Variants in PDE3B observed in about 807,000 individuals in gnomAD.
PDE3B encodes the protein cGMP-inhibited 3',5'-cyclic phosphodiesterase 3B.
A neutral mutation model predicts 116.8 loss-of-function variants in PDE3B; 66 were observed. The ratio of observed to expected loss-of-function variants is 0.56; its 90% CI spans 0.46 to 0.69. The LOEUF (loss-of-function observed/expected upper bound fraction) is 0.69, where lower values mean the gene tolerates loss of function less well. Ranked by LOEUF, PDE3B falls within the 30% of genes least tolerant of loss-of-function variation. The probability of loss-of-function intolerance (pLI) is 0.00; values close to 1 mark genes in which losing one functional copy is unlikely to be tolerated. For missense variants in PDE3B, 1,384 were observed against 1,368.1 expected (o/e 1.01, Z -0.18); for synonymous variants, 595 against 533.6 (o/e 1.12, Z -1.59).
In PDE3B at chr11:14,673,707, C is replaced by T. The variant is rs188236567; in HGVS notation, c.978+28654C>T. 2.8e-3 allele frequency: 2,112 copies of T among 751,874 alleles called. 8 individuals are homozygous for T. The highest frequency in any genetic ancestry group is 3.7e-3 in the Non-Finnish European group (1,496 of 399,658). 46.6% of individuals were successfully genotyped at this position (751,874 alleles called of 1,614,324 possible). A position where few individuals can be genotyped will look rare whatever the true frequency, so the allele number is the denominator to read the frequency against. ...AAGATAATTCAGTAATTAAGCAAGG[C>T]TCTTCTCATCCAGAGGTGTATAGGC... is the stretch of plus-strand genomic sequence containing the variant. On this transcript the variant is annotated intron_variant, in intron 1 of 15. Transcript: ENST00000282096.
intron 6 of PDE3B, among the ~76,000 whole-genome samples, chr11:14,818,746 A>T (rs549737437): frequency 2.6e-4 from 39 of 151,974 alleles, no homozygotes; most frequent in Middle Eastern, 3.4e-3. Flanking sequence ...GTGGTTATTA[A>T]TTTTTTAAAT....
At chr11:14,700,319 A>G (rs981432169) in intron 1 of PDE3B, among the ~76,000 whole-genome samples, 3 of 151,794 alleles carry the variant, frequency 2.0e-5, no homozygotes, top group East Asian at 1.9e-4. Context: ...GATGATCAGT[A>G]TATTAGTAGA....
the PDE3B span, among the ~76,000 whole-genome samples, chr11:14,883,215 T>C: frequency 7.3e-5 from 11 of 151,202 alleles, no homozygotes; most frequent in East Asian, 1.9e-4. Flanking sequence ...AAAAAGAGCC[T>C]GCATCGCCAA....
intron 1 of PDE3B, among the ~76,000 whole-genome samples, chr11:14,664,848 G>A (rs1009507016): frequency 1.4e-4 from 21 of 152,154 alleles, no homozygotes; most frequent in African/African-American, 3.9e-4. Flanking sequence ...ACAAGGAGGA[G>A]CTGGTACCAT....
At chr11:14,852,004 GA>G (rs1314645700) in intron 12 of PDE3B, among the ~76,000 whole-genome samples, 1 of 152,190 alleles carries the variant, frequency 6.6e-6, no homozygotes, top group East Asian at 1.9e-4. Flanking sequence ...TCCTGAATCA[GA>G]AATCACATAG....
the PDE3B span, chr11:14,891,682 A>T: frequency 8.6e-7 from 1 of 1,169,060 alleles, no homozygotes. Context: ...GGCGAGCCAA[A>T]CGGCGCAGGC....
chr11:14,660,886 A>C (rs1323930756), intron 1 of PDE3B, among the ~76,000 whole-genome samples: 2 of 152,236 alleles, frequency 1.3e-5, no homozygotes, highest in Admixed American at 6.5e-5. Context: ...TCTCAAAAGA[A>C]GACATTTATG....
At chr11:14,806,881 G>GA (rs1190834271) in intron 5 of PDE3B, among the ~76,000 whole-genome samples, 2 of 132,420 alleles carry the variant, frequency 1.5e-5, no homozygotes, top group South Asian at 2.5e-4. Context: ...AAAAAAAAAA[G>GA]AAAAAAAAGA....
At chr11:14,890,291 C>T in the PDE3B span, 1 of 205,062 alleles carries the variant, frequency 4.9e-6, no homozygotes, top group Non-Finnish European at 8.5e-6. Flanking sequence ...CTTATGCTTT[C>T]ACATTTTATT....
chr11:14,855,807 C>A (rs371074937), intron 12 of PDE3B, among the ~76,000 whole-genome samples: 18 of 152,082 alleles, frequency 1.2e-4, no homozygotes, highest in East Asian at 9.6e-4. Context: ...AGTTAGAGTT[C>A]TATATTCAGC....
At chr11:14,792,857 C>A (rs1213905581) in intron 4 of PDE3B, among the ~76,000 whole-genome samples, 1 of 152,126 alleles carries the variant, frequency 6.6e-6, no homozygotes, top group African/African-American at 2.4e-5. Flanking sequence ...AGGATAACAC[C>A]TGGAGGTCCT....
chr11:14,733,119 A>G (rs913281635), intron 1 of PDE3B, among the ~76,000 whole-genome samples: 2 of 152,198 alleles, frequency 1.3e-5, no homozygotes, highest in Non-Finnish European at 2.9e-5. Flanking sequence ...AATGGCATTC[A>G]GATTCCCGTT....
At chr11:14,699,164 G>C (rs1175227709) in intron 1 of PDE3B, 2 of 151,830 alleles carry the variant, frequency 1.3e-5, no homozygotes, top group East Asian at 3.9e-4. Context: ...AGAACAAATG[G>C]TTACTTGGAA....
the PDE3B span, chr11:14,891,375 T>C: frequency 3.0e-6 from 3 of 985,566 alleles, no homozygotes; most frequent in African/African-American, 1.7e-5. Flanking sequence ...ATCTGCGCTG[T>C]AGGACCCCCG....
At chr11:14,795,330 A>C (rs1858519630) in intron 4 of PDE3B, among the ~76,000 whole-genome samples, 1 of 152,200 alleles carries the variant, frequency 6.6e-6, no homozygotes, top group Non-Finnish European at 1.5e-5. Context: ...CAGGGACTGG[A>C]CTAAAACCAA....
At chr11:14,891,635 C>G in the PDE3B span, 3 of 1,106,196 alleles carry the variant, frequency 2.7e-6, no homozygotes, top group Admixed American at 9.8e-5. Flanking sequence ...CACCTGAGGG[C>G]ATGCGTCCAC....
intron 5 of PDE3B, among the ~76,000 whole-genome samples, chr11:14,811,304 C>G (rs1490446692): frequency 6.6e-6 from 1 of 152,096 alleles, no homozygotes; most frequent in East Asian, 1.9e-4. Context: ...GGTTTTAGGT[C>G]TAACGTTTAA....
intron 1 of PDE3B, among the ~76,000 whole-genome samples, chr11:14,698,348 T>TA (rs970001225): frequency 6.6e-6 from 1 of 151,972 alleles, no homozygotes; most frequent in Admixed American, 6.6e-5. Flanking sequence ...AATTACTTTT[T>TA]AAAAAAATTT....
At chr11:14,823,436 A>G (rs548930147) in intron 7 of PDE3B, among the ~76,000 whole-genome samples, 1 of 150,968 alleles carries the variant, frequency 6.6e-6, no homozygotes, top group Non-Finnish European at 1.5e-5. Flanking sequence ...AGCCTTAACC[A>G]TTGTTGCCTT....
Sources: gnomAD v4.1 joint callset for allele counts (sites outside exome capture counted in the v4.1 genomes callset) on GRCh38, gnomAD v4.1.1 for gene constraint, MANE v1.5 for transcripts, NCBI Gene and HGNC (gene_info 2026-07-23, HGNC 2026-07-21) for gene names.